BLTP1: variants seen among roughly 807,000 people sequenced by gnomAD.
The protein encoded by BLTP1 is fragile site-associated protein.
chr4:122,214,593 ATT>A, the BLTP1 span: 904 of 343,346 alleles, frequency 2.6e-3, 7 homozygotes, highest in African/African-American at 0.021. Context: ...TTTGGTAACT[ATT>A]TTTTTTTTTT....
At chr4:122,301,776 C>T in the BLTP1 span, among the ~76,000 whole-genome samples, 21 of 152,142 alleles carry the variant, frequency 1.4e-4, no homozygotes, top group African/African-American at 5.1e-4. Context: ...ATTTACTCTG[C>T]AAGAAATATT....
the BLTP1 span, among the ~76,000 whole-genome samples, chr4:122,300,434 CA>C: frequency 6.6e-6 from 1 of 152,086 alleles, no homozygotes; most frequent in South Asian, 2.1e-4. Context: ...TCTTTATGTA[CA>C]AAGGTCTTTT....
the BLTP1 span, chr4:122,262,902 T>G: frequency 6.2e-7 from 1 of 1,614,116 alleles, no homozygotes; most frequent in Non-Finnish European, 8.5e-7. Flanking sequence ...GACTGGAAGC[T>G]TCCCAAGCCT....
chr4:122,338,287 G>A, the BLTP1 span, among the ~76,000 whole-genome samples: 13 of 151,754 alleles, frequency 8.6e-5, no homozygotes, highest in Non-Finnish European at 1.8e-4. Context: ...GGCAACACAT[G>A]GAGACCCCAT....
chr4:122,346,956 CA>C, the BLTP1 span: 1 of 845,172 alleles, frequency 1.2e-6, no homozygotes, highest in Non-Finnish European at 1.4e-6. Flanking sequence ...ACCAAAAAGA[CA>C]AAAAGTTTTG....
the BLTP1 span, among the ~76,000 whole-genome samples, chr4:122,222,426 T>A: frequency 6.6e-6 from 1 of 152,168 alleles, no homozygotes; most frequent in Non-Finnish European, 1.5e-5. Context: ...ACTTTTTACT[T>A]TGTGGTCATC....
the BLTP1 span, chr4:122,189,670 A>C: frequency 1.1e-6 from 1 of 925,318 alleles, no homozygotes; most frequent in African/African-American, 1.8e-5. Flanking sequence ...TTTTAAATCG[A>C]TTTCTCTCAT....
the BLTP1 span, chr4:122,345,991 AC>A: frequency 1.0e-6 from 1 of 982,262 alleles, no homozygotes; most frequent in African/African-American, 1.7e-5. Flanking sequence ...TGTCTATAGG[AC>A]ATTTAGGTGG....
the BLTP1 span, chr4:122,280,294 A>C: frequency 1.9e-6 from 1 of 530,108 alleles, no homozygotes; most frequent in Non-Finnish European, 2.4e-6. Context: ...GGACCATGTC[A>C]ATCCTTGTTT....
the BLTP1 span, chr4:122,187,872 T>C: frequency 5.8e-6 from 9 of 1,559,576 alleles, no homozygotes; most frequent in Non-Finnish European, 6.9e-6. Flanking sequence ...ATATCTCTTA[T>C]CTGTTTATTT....
At chr4:122,349,372 A>C in the BLTP1 span, 1 of 1,565,192 alleles carries the variant, frequency 6.4e-7, no homozygotes, top group African/African-American at 1.4e-5. The surrounding 1 kb of genome is among the most constrained non-coding windows in gnomAD (Gnocchi z 4.5). Context: ...ATATCAAAAA[A>C]AATGCTTTTG....
chr4:122,238,252 G>T, the BLTP1 span: 5 of 1,614,046 alleles, frequency 3.1e-6, no homozygotes, highest in Non-Finnish European at 3.4e-6. Flanking sequence ...CACAGCCTTT[G>T]TTGGCTGGTG....
the BLTP1 span, chr4:122,307,865 T>G: frequency 6.5e-7 from 1 of 1,531,846 alleles, no homozygotes; most frequent in Admixed American, 2.2e-5. Context: ...GCAACAGGAT[T>G]TTGCAGCTTT....
the BLTP1 span, among the ~76,000 whole-genome samples, chr4:122,251,827 A>G: frequency 6.6e-6 from 1 of 151,890 alleles, no homozygotes; most frequent in Admixed American, 6.6e-5. Context: ...TCTTCTTGCT[A>G]TTTGTCTACT....
the BLTP1 span, chr4:122,299,074 T>TC: frequency 1.0e-6 from 1 of 976,996 alleles, no homozygotes; most frequent in African/African-American, 1.9e-5. Flanking sequence ...ATATGGCCCT[T>TC]CCCCTTAAGA....
chr4:122,344,712 C>A, the BLTP1 span: 2 of 1,220,990 alleles, frequency 1.6e-6, no homozygotes, highest in Non-Finnish European at 2.2e-6. Flanking sequence ...GCCTACGGTA[C>A]TGTGTCAATC....
the BLTP1 span, among the ~76,000 whole-genome samples, chr4:122,290,445 C>G: frequency 6.6e-6 from 1 of 152,128 alleles, no homozygotes; most frequent in Admixed American, 6.5e-5. Flanking sequence ...CTATATCAAG[C>G]TGGTAAACTT....
chr4:122,211,296 T>TATGCTGGACC, the BLTP1 span, among the ~76,000 whole-genome samples: 1 of 152,142 alleles, frequency 6.6e-6, no homozygotes, highest in Non-Finnish European at 1.5e-5. Flanking sequence ...TTCAGCATTC[T>TATGCTGGACC]TTTGTGCATT....
the BLTP1 span, chr4:122,344,778 G>T: frequency 1.0e-6 from 1 of 982,802 alleles, no homozygotes; most frequent in African/African-American, 1.7e-5. Flanking sequence ...TCACCCAAGG[G>T]CCAAGTATGC....
Sources: allele counts gnomAD v4.1 joint callset (sites outside exome capture counted in the v4.1 genomes callset), GRCh38; gene constraint gnomAD v4.1.1; non-coding constraint Gnocchi (gnomAD v3.1); transcripts MANE v1.5; gene names NCBI Gene and HGNC (gene_info 2026-07-23, HGNC 2026-07-21).